The following MMP15 variants were observed in gnomAD, a reference collection of about 807,000 sequenced individuals.
MMP15 encodes matrix metalloproteinase-15.
MMP15 carries 36 observed loss-of-function variants against 65.0 expected under a neutral mutation model. The ratio of observed to expected loss-of-function variants is 0.55; its 90% confidence interval spans 0.42 to 0.73. The LOEUF (loss-of-function observed/expected upper bound fraction) is 0.73, where lower values mean the gene tolerates loss of function less well. Ranked by LOEUF, MMP15 falls within the 30% of genes least tolerant of loss-of-function variation. MMP15 has a pLI of 0.00. For synonymous variants in MMP15, 428 were observed against 410.2 expected, an observed-to-expected ratio of 1.04 and a Z score of -0.52; for missense variants, 870 against 987.8, an observed-to-expected ratio of 0.88 and a Z score of 1.60.
At chr16:58,030,232 G>A (rs962721757) in intron 1 of MMP15, among the ~76,000 whole-genome samples, 3 of 152,152 alleles carry the variant, frequency 2.0e-5, no homozygotes, top group Non-Finnish European at 4.4e-5. Context: ...GCGGGTCCTG[G>A]GAGAAGCCCA....
rs773934067 is a variant in MMP15 at position 58,040,180 on chromosome 16, A to G, written c.746A>G (p.His249Arg). The part of the protein sequence containing the change: ...EPWTFSSTDL[H>R]GNNLFLVAVH... ...TGGACCTTCTCCAGCACTGACCTGCATGGTGAGGACAGCTGGCCAGGGTGA... is the reference window on the plus strand; with the variant it reads ...TGGACCTTCTCCAGCACTGACCTGCGTGGTGAGGACAGCTGGCCAGGGTGA... The change falls in exon 4 of 10, where the codon CAT becomes CGT. Residue 249 changes from histidine to arginine, a missense_variant and splice_region_variant. Transcript: ENST00000219271. The G allele has an allele frequency of 1.9e-6, 3 of 1,605,490 alleles. No individual in the cohort carries two copies. Among genetic ancestry groups the G allele is most frequent in the African/African-American group, 1.3e-5 (1 of 74,990 alleles).
At position 58,045,887 on chromosome 16, in the gene MMP15, A is replaced by T. The variant is rs975538191; in HGVS notation, c.*441A>T. On this transcript the variant is annotated 3_prime_UTR_variant, in exon 10 of 10. Coordinates refer to ENST00000219271, the MANE Select transcript of MMP15 (RefSeq NM_002428.4). Reference sequence around the variant, plus strand: ...CAAGTGAGTCTCTCTGGGCCTTAGGAAGAGCCTTCCACCCAGGGGCAGCCC... The same window carrying T: ...CAAGTGAGTCTCTCTGGGCCTTAGGTAGAGCCTTCCACCCAGGGGCAGCCC... 1 of 168,326 alleles carries T rather than the reference A, an allele frequency of 5.9e-6. No homozygotes were observed. The highest frequency in any genetic ancestry group is 1.3e-5 in the Non-Finnish European group (1 of 77,688). 10.4% of individuals were successfully genotyped at this position (168,326 alleles called of 1,614,324 possible).
chr16:58,040,391 GGTT>G, intron 4 of MMP15, 143 bp from the exon 5 acceptor site: 2 of 1,111,966 alleles, frequency 1.8e-6, no homozygotes, highest in South Asian at 1.6e-5. Flanking sequence ...TCTCAGATGG[GGTT>G]GTTGTAGGCC....
In MMP15 at chr16:58,034,727, T is replaced by C. The variant is rs1597063297; in HGVS notation, c.163-2745T>C. On this transcript the variant is annotated intron_variant, in intron 1 of 9. Transcript: ENST00000219271. ...AGGTGGCTGAGGGTTCAAGCTTGGC[T>C]GATAGCGAGATGGAAGCTCTTGACT... Among the ~76,000 whole-genome samples the C allele has an allele frequency of 5.3e-5, 8 of 152,306 alleles. 3 individuals are homozygous for C. Among genetic ancestry groups the C allele is most frequent in the Admixed American group, 5.2e-4 (8 of 15,300 alleles).
chr16:58,041,126 C>G (rs961900178), intron 5 of MMP15, among the ~76,000 whole-genome samples: 3 of 152,316 alleles, frequency 2.0e-5, no homozygotes, highest in African/African-American at 4.8e-5. Flanking sequence ...GCCACCCCCC[C>G]ACCCAGGGCC....
chr16:58,037,399 G>T (rs890696845), intron 1 of MMP15, 73 bp from the exon 2 acceptor site: 2 of 1,559,916 alleles, frequency 1.3e-6, no homozygotes, highest in African/African-American at 1.3e-5. Flanking sequence ...GGTGGGAAGT[G>T]GTCGGCACAG....
At position 58,040,034 on chromosome 16, in the gene MMP15, C is replaced by T. The variant is rs773646018; in HGVS notation, c.600C>T (p.Leu200=). 2.5e-6 allele frequency: 4 copies of T among 1,614,056 alleles called. No homozygotes were observed. The East Asian group carries it at 8.9e-5, about 36-fold the overall frequency. Residue 200 remains leucine, a synonymous_variant, in exon 4 of 10, where the codon CTC becomes CTT. Coordinates refer to ENST00000219271, the MANE Select transcript of MMP15 (RefSeq NM_002428.4). The part of the protein sequence containing the change: ...RRQKEADIMV[L]FASGFHGDSS... ...AGAAGGAGGCCGACATCATGGTACT[C>T]TTTGCCTCTGGCTTCCACGGCGACA...
At chr16:58,041,920 C>G (rs767605307) in intron 6 of MMP15, 50 bp downstream of exon 6, 3 of 1,525,320 alleles carry the variant, frequency 2.0e-6, no homozygotes, top group South Asian at 2.6e-5. Context: ...CCTGGCTGCT[C>G]TGGGCCCCCT....
At position 58,045,052 on chromosome 16, in the gene MMP15, A is replaced by G. The variant is rs996535192; in HGVS notation, c.1616A>G (p.Asn539Ser). ...GGCACCAAATACTGGAAATTCGACA[A>G]TGAGCGCCTGCGGATGGAGCCCGGC... ...YKGTKYWKFDNERLRMEPGYP... is the reference protein window; with the variant it reads ...YKGTKYWKFDSERLRMEPGYP... Residue 539 changes from asparagine (N) to serine (S), a missense_variant, in exon 10 of 10, where the codon AAT becomes AGT. By Grantham distance (46) the Asn-to-Ser change is conservative. Transcript: ENST00000219271. The G allele has an allele frequency of 3.7e-6, 6 of 1,613,248 alleles. No homozygotes were observed. The African/African-American group carries it at 5.3e-5, about 14-fold the overall frequency.
chr16:58,037,693 A>G (rs1190848542), intron 2 of MMP15, 73 bp downstream of exon 2: 5 of 1,588,794 alleles, frequency 3.1e-6, no homozygotes, highest in Non-Finnish European at 4.3e-6. Context: ...AGGGCTCAGC[A>G]TGTGGAGTTT....
At chr16:58,026,560 G>T (rs1040262523) in intron 1 of MMP15, 48 bp downstream of exon 1, 142 of 1,285,036 alleles carry the variant, frequency 1.1e-4, no homozygotes, top group Non-Finnish European at 1.4e-4. Flanking sequence ...GGCTTGGAGG[G>T]AGAGGCGCCA....
At position 58,043,621 on chromosome 16, in the gene MMP15, G is replaced by A. The variant is rs1382944341; in HGVS notation, c.1564G>A (p.Asp522Asn). 1 of 1,609,296 alleles carries A rather than the reference G, an allele frequency of 6.2e-7. No individual in the cohort carries two copies. ...CCCTAAAGGGGCCTTCCTGAGCAAT[G>A]ACGCAGGTACCTGGCCAGCCCCTCC... Reference protein sequence around the residue: ...ASPKGAFLSNDAAYTYFYKGT... With the variant: ...ASPKGAFLSNNAAYTYFYKGT... Residue 522 changes from aspartate (D) to asparagine (N), a missense_variant, in exon 9 of 10, where the codon GAC becomes AAC. Transcript: ENST00000219271.
intron 9 of MMP15, among the ~76,000 whole-genome samples, 165 bp downstream of exon 9, chr16:58,043,792 C>T (rs578059777): frequency 1.7e-4 from 26 of 152,372 alleles, no homozygotes; most frequent in African/African-American, 5.8e-4. Flanking sequence ...CACCCTGGTC[C>T]TTCCTGCATA....
At chr16:58,043,687 C>A in intron 9 of MMP15, 60 bp downstream of exon 9, 2 of 1,274,124 alleles carry the variant, frequency 1.6e-6, no homozygotes, top group Non-Finnish European at 2.2e-6. Flanking sequence ...ACACACACCA[C>A]AGGGCAGGGC....
Position 58,043,574 on chromosome 16 carries a change from T to C in MMP15, c.1517T>C (p.Val506Ala). The C allele has an allele frequency of 6.2e-7, 1 of 1,613,832 alleles. No individual in the cohort carries two copies. Among genetic ancestry groups the C allele is most frequent in the Non-Finnish European group, 8.5e-7 (1 of 1,179,862 alleles). ...GDPGYPKPIS[V>A]WQGIPASPKG... The stretch of plus-strand genomic sequence containing the variant: ...CCTGGGTACCCCAAGCCCATCAGTG[T>C]CTGGCAGGGGATCCCTGCCTCCCCT... The change falls in exon 9 of 10, where the codon GTC becomes GCC. Residue 506 changes from valine (V) to alanine (A), a missense_variant. Coordinates refer to ENST00000219271, the MANE Select transcript of MMP15 (RefSeq NM_002428.4).
intron 7 of MMP15, 71 bp downstream of exon 7, chr16:58,042,440 G>A (rs1374468014): frequency 1.3e-6 from 2 of 1,573,790 alleles, no homozygotes; most frequent in East Asian, 4.5e-5. Context: ...GGATCTGAGA[G>A]AAGAGGAGGT....
Position 58,045,324 on chromosome 16 carries a change from C to T in MMP15, c.1888C>T (p.Leu630=), listed in dbSNP as rs1225782578. ...ACGGACGGTGAACGTGGTGATGGTG[C>T]TGGTGCCACTGCTGCTGCTGCTCTG... ...VARTVNVVMV[L]VPLLLLLCVL... is the part of the protein sequence containing the mutation. The change falls in exon 10 of 10, where the codon CTG becomes TTG. Residue 630 remains leucine, a synonymous_variant. Transcript: ENST00000219271. The T allele has an allele frequency of 1.2e-6, 2 of 1,608,550 alleles. No individual in the cohort carries two copies. Among genetic ancestry groups the T allele is most frequent in the Non-Finnish European group, 1.7e-6 (2 of 1,178,764 alleles).
intron 5 of MMP15, among the ~76,000 whole-genome samples, chr16:58,041,122 C>G (rs1959442396): frequency 6.6e-6 from 1 of 152,220 alleles, no homozygotes; most frequent in Admixed American, 6.5e-5. Flanking sequence ...AAGTGCCACC[C>G]CCCCACCCAG....
intron 6 of MMP15, 74 bp downstream of exon 6, chr16:58,041,944 T>G: frequency 6.8e-7 from 1 of 1,476,858 alleles, no homozygotes; most frequent in Non-Finnish European, 9.0e-7. Context: ...CCACCCTCAC[T>G]CAGCAGGCCC....
Sources: gnomAD v4.1 joint callset for allele counts (sites outside exome capture counted in the v4.1 genomes callset) on GRCh38, gnomAD v4.1.1 for gene constraint, MANE v1.5 for transcripts, NCBI Gene and HGNC (gene_info 2026-07-23, HGNC 2026-07-21) for gene names.